Variants in TRMU observed in about 807,000 individuals in gnomAD.
TRMU encodes the protein tRNA mitochondrial 2-thiouridylase.
TRMU carries 49 observed loss-of-function variants against 46.9 expected under a neutral mutation model. The ratio of observed to expected loss-of-function variants is 1.05; its 90% CI spans 0.83 to 1.33. The LOEUF is 1.33. Among genes scored for constraint, TRMU ranks in the 40% most tolerant of loss-of-function variants. The pLI is 0.00. For synonymous variants in TRMU, 241 were observed against 200.9 expected, an observed-to-expected ratio of 1.20 and a Z score of -1.69; for missense variants, 572 against 532.4, an observed-to-expected ratio of 1.07 and a Z score of -0.73.
rs1346294972 is a variant in TRMU at position 46,338,999 on chromosome 22, A to G, written c.248+1055A>G. ...CTTTTTTTCCTGCCAACAAAGACCCAGAAGAGATACTTGACTTTTCTAAGC... is the reference window on the plus strand; with the variant it reads ...CTTTTTTTCCTGCCAACAAAGACCCGGAAGAGATACTTGACTTTTCTAAGC... On this transcript the variant is annotated intron_variant, in intron 2 of 10. Coordinates refer to ENST00000645190, the MANE Select transcript of TRMU (RefSeq NM_018006.5). The surrounding 1 kb of genome is among the most constrained non-coding windows in gnomAD (Gnocchi z 4.5). 6.6e-6 allele frequency among the ~76,000 whole-genome samples: 1 copy of G among 152,166 alleles called. No individual in the cohort carries two copies. The highest frequency in any genetic ancestry group is 1.5e-5 in the Non-Finnish European group (1 of 68,034).
Position 46,353,849 on chromosome 22 carries a change from C to A in TRMU, c.855C>A (p.Val285=). The A allele has an allele frequency of 6.2e-7, 1 of 1,613,796 alleles. No individual in the cohort carries two copies. Among genetic ancestry groups the A allele is most frequent in the Non-Finnish European group, 8.5e-7 (1 of 1,179,824 alleles). ...GGTACGTGGTGGAGAAGGACAGCGT[C>A]AAGGGTGACGTGTTTGTGGTGAGTG... ...EPWYVVEKDS[V]KGDVFVAPRT... Residue 285 remains valine (V), a synonymous_variant, in exon 8 of 11, where the codon GTC becomes GTA. Coordinates refer to ENST00000645190, the MANE Select transcript of TRMU (RefSeq NM_018006.5).
rs1475526703 is a variant in TRMU, at chr22:46,348,701, G to A, written c.479-1590G>A. Among the ~76,000 whole-genome samples, 3 of 152,218 alleles carry A rather than the reference G, an allele frequency of 2.0e-5. No homozygotes were observed. Among genetic ancestry groups the A allele is most frequent in the South Asian group, 2.1e-4 (1 of 4,832 alleles). On this transcript the variant is annotated intron_variant, in intron 4 of 10. Transcript: ENST00000645190. This position sits in a 1 kb window ranked among gnomAD's most constrained non-coding sequence, Gnocchi z 4.8. Reference sequence around the variant, plus strand: ...CCTCTATAGCAGTTCAGTTAGGGTCGCCAGCTTGCTTTTTTGAAAATCATA... The same window carrying A: ...CCTCTATAGCAGTTCAGTTAGGGTCACCAGCTTGCTTTTTTGAAAATCATA...
At position 46,342,995 on chromosome 22, in the gene TRMU, TC is replaced by T. The variant is rs2078160915; in HGVS notation, c.249-263del. ...GTTTTAGTGAGACCCTCACGGCCACTCCCCACTCCTGACCCCATAAGCCCTG... is the reference window on the plus strand; with the variant it reads ...GTTTTAGTGAGACCCTCACGGCCACTCCCACTCCTGACCCCATAAGCCCTG... On this transcript the variant is annotated intron_variant, in intron 2 of 10. Coordinates refer to ENST00000645190, the MANE Select transcript of TRMU (RefSeq NM_018006.5). This position sits in a 1 kb window ranked among gnomAD's most constrained non-coding sequence, Gnocchi z 4.7. Among the ~76,000 whole-genome samples the T allele has an allele frequency of 6.6e-6, 1 of 152,110 alleles. No homozygotes were observed. The highest frequency in any genetic ancestry group is 1.9e-4 in the East Asian group (1 of 5,188).
At position 46,351,803 on chromosome 22, in the gene TRMU, C is replaced by T; in HGVS notation, c.652-318C>T. On this transcript the variant is annotated intron_variant, in intron 5 of 10. Transcript: ENST00000645190. The surrounding 1 kb of genome is among the most constrained non-coding windows in gnomAD (Gnocchi z 6.4). ...CCTGCCCCTTCTCTGGTCCCTGTCT[C>T]TCCCCCACTCCTCGCAGGACAGTGG... 1 of 456,134 alleles carries T rather than the reference C, an allele frequency of 2.2e-6. No individual in the cohort carries two copies. Among genetic ancestry groups the T allele is most frequent in the Non-Finnish European group, 4.1e-6 (1 of 246,238 alleles). 28.3% of individuals were successfully genotyped at this position (456,134 alleles called of 1,614,324 possible). A position where few individuals can be genotyped will look rare whatever the true frequency, so the allele number is the denominator to read the frequency against.
rs1305589396 is a variant in TRMU at position 46,338,196 on chromosome 22, CT to C, written c.248+254del. 1.9e-5 allele frequency: 9 copies of C among 483,228 alleles called. No homozygotes were observed. The highest frequency in any genetic ancestry group is 3.8e-6 in the Non-Finnish European group (1 of 262,862). 29.9% of individuals were successfully genotyped at this position (483,228 alleles called of 1,614,324 possible). A position where few individuals can be genotyped will look rare whatever the true frequency, so the allele number is the denominator to read the frequency against. On this transcript the variant is annotated intron_variant, in intron 2 of 10. Transcript: ENST00000645190. This position sits in a 1 kb window ranked among gnomAD's most constrained non-coding sequence, Gnocchi z 4.5. ...TTGCCTGAAGTCTCTTTAATGCTTT[CT>C]TGGACCTTGAGCTGTTTCTGTTGCC...
intron 2 of TRMU, among the ~76,000 whole-genome samples, chr22:46,340,235 GGT>G (rs1279169560): frequency 6.6e-6 from 1 of 152,148 alleles, no homozygotes; most frequent in African/African-American, 2.4e-5. Context: ...TTTGAGAAAA[GGT>G]GTGATGCGGC....
chr22:46,351,560 C>T lies in TRMU; in HGVS notation c.652-561C>T, dbSNP rs561784603. 50 of 191,752 alleles carry T rather than the reference C, an allele frequency of 2.6e-4. No homozygotes were observed. The highest frequency in any genetic ancestry group is 2.6e-3 in the Middle Eastern group (1 of 392). 11.9% of individuals were successfully genotyped at this position (191,752 alleles called of 1,614,324 possible). On this transcript the variant is annotated intron_variant, in intron 5 of 10. Coordinates refer to ENST00000645190, the MANE Select transcript of TRMU (RefSeq NM_018006.5). This position sits in a 1 kb window ranked among gnomAD's most constrained non-coding sequence, Gnocchi z 6.4. ...CTCCTCTCCTCTTGTTTTCCGTTTC[C>T]GGTGTCGCTCTGTGGTGGGAGCCGC...
chr22:46,337,796 G>GTGT lies in TRMU; in HGVS notation c.102_104dup (p.Val34_Phe35insLeu). On this transcript the variant is annotated inframe_insertion, in exon 2 of 11. Coordinates refer to ENST00000645190, the MANE Select transcript of TRMU (RefSeq NM_018006.5). ...GCCCGCAGGTTACCAGGTGACAGGG[G>GTGT]TGTTTATGAAGAACTGGGACTCACT... 1 of 1,614,232 alleles carries GTGT rather than the reference G, an allele frequency of 6.2e-7. No individual in the cohort carries two copies. The highest frequency in any genetic ancestry group is 8.5e-7 in the Non-Finnish European group (1 of 1,180,048).
chr22:46,350,098 T>G lies in TRMU; in HGVS notation c.479-193T>G, dbSNP rs1339158211. On this transcript the variant is annotated intron_variant, in intron 4 of 10. Transcript: ENST00000645190. This position sits in a 1 kb window ranked among gnomAD's most constrained non-coding sequence, Gnocchi z 4.6. Reference sequence around the variant, plus strand: ...TTTCTTTGTCATGTAAAATCCTTGTTTTTTTTTTTGGAGGTGCGAATTTTT... The same window carrying G: ...TTTCTTTGTCATGTAAAATCCTTGTGTTTTTTTTTGGAGGTGCGAATTTTT... Among the ~76,000 whole-genome samples, 1 of 150,814 alleles carries G rather than the reference T, an allele frequency of 6.6e-6. No homozygotes were observed. Among genetic ancestry groups the G allele is most frequent in the Admixed American group, 6.6e-5 (1 of 15,136 alleles).
chr22:46,355,901 C>G (rs2078589969), intron 9 of TRMU, 89 bp from the exon 10 acceptor site: 1 of 1,460,356 alleles, frequency 6.8e-7, no homozygotes, highest in East Asian at 2.3e-5. Context: ...GTTTTTGACC[C>G]CGTGGGCTGG....
chr22:46,356,336 CGAGGACAGAAAATGGAAGGGGCAT>C (rs1309744484), intron 10 of TRMU: 7 of 523,890 alleles, frequency 1.3e-5, no homozygotes, highest in Non-Finnish European at 2.4e-5. Flanking sequence ...GCCCCAGAAG[CGAGGACAGAAAATGGAAGGGGCAT>C]GAGGACAGTG....
intron 10 of TRMU, chr22:46,356,287 G>C: frequency 1.7e-6 from 1 of 584,366 alleles, no homozygotes; most frequent in Non-Finnish European, 3.1e-6. Context: ...CAACCAGCCA[G>C]TTCCTGCTCG....
At chr22:46,353,606 C>T in intron 7 of TRMU, 161 bp from the exon 8 acceptor site, 1 of 651,716 alleles carries the variant, frequency 1.5e-6, no homozygotes, top group Non-Finnish European at 2.8e-6. Flanking sequence ...GGTGCTTGGT[C>T]AGGGCTGGCT....
In TRMU at chr22:46,350,375, C is replaced by G; in HGVS notation, c.563C>G (p.Thr188Ser). Residue 188 changes from threonine to serine, a missense_variant, in exon 5 of 11, where the codon ACC (threonine) becomes AGC (serine). Thr to Ser is a moderately conservative substitution (Grantham distance 58). Transcript: ENST00000645190. This position sits in a 1 kb window ranked among gnomAD's most constrained non-coding sequence, Gnocchi z 4.6. ...SQVSQDALRR[T>S]IFPLGGLTKE... The stretch of plus-strand genomic sequence containing the variant: ...GTTTCCCAGGATGCCCTGAGGAGAA[C>G]CATCTTCCCTCTGGGGGGATTAACG... The G allele has an allele frequency of 6.2e-7, 1 of 1,614,224 alleles. No homozygotes were observed. The highest frequency in any genetic ancestry group is 1.3e-5 in the African/African-American group (1 of 75,062).
rs1403390621 is a variant in TRMU at position 46,347,537 on chromosome 22, T to C, written c.478+993T>C. The C allele has an allele frequency of 2.0e-5, 3 of 152,002 alleles. No individual in the cohort carries two copies. Among genetic ancestry groups the C allele is most frequent in the Non-Finnish European group, 2.9e-5 (2 of 68,028 alleles). 9.4% of individuals were successfully genotyped at this position (152,002 alleles called of 1,614,324 possible). The stretch of plus-strand genomic sequence containing the variant: ...TCGGCTTTTTCATTTTTTGTAGAGA[T>C]GAGGTCTCGTTAATGTTGTCCGTGC... On this transcript the variant is annotated intron_variant, in intron 4 of 10. Coordinates refer to ENST00000645190, the MANE Select transcript of TRMU (RefSeq NM_018006.5). The surrounding 1 kb of genome is among the most constrained non-coding windows in gnomAD (Gnocchi z 5.0).
In TRMU at chr22:46,346,459, T is replaced by G; in HGVS notation, c.393T>G (p.Thr131=). ...TTGCCACAGGTCACTATGCAAGAAC[T>G]TCCCTGGAAGATGAAGAAGTCTTTG... The part of the protein sequence containing the change: ...DAIATGHYAR[T]SLEDEEVFEQ... Residue 131 remains threonine, a synonymous_variant, in exon 4 of 11, where the codon ACT becomes ACG. Coordinates refer to ENST00000645190, the MANE Select transcript of TRMU (RefSeq NM_018006.5). 6.2e-7 allele frequency: 1 copy of G among 1,613,590 alleles called. No individual in the cohort carries two copies. The highest frequency in any genetic ancestry group is 8.5e-7 in the Non-Finnish European group (1 of 1,179,608).
At chr22:46,356,762 C>A (rs2078622511) in intron 10 of TRMU, 80 bp from the exon 11 acceptor site, 1 of 1,553,330 alleles carries the variant, frequency 6.4e-7, no homozygotes, top group African/African-American at 1.4e-5. Context: ...AGGCCAGGCC[C>A]CATAGGGGAG....
In TRMU at chr22:46,346,995, C is replaced by T. The variant is rs564187175; in HGVS notation, c.478+451C>T. The stretch of plus-strand genomic sequence containing the variant: ...CTGTGGATCGCATGGGCTCAGCAGT[C>T]AGGCTTTGTAGCCGTATTTACACGT... On this transcript the variant is annotated intron_variant, in intron 4 of 10. Transcript: ENST00000645190. Among the ~76,000 whole-genome samples, 50 of 152,374 alleles carry T rather than the reference C, an allele frequency of 3.3e-4. 1 individual carries two copies. In the South Asian group the frequency reaches 0.01, roughly 31 times the overall value.
rs1372885144 is a variant in TRMU at position 46,336,500 on chromosome 22, A to G, written c.82+654A>G. 6.6e-6 allele frequency: 1 copy of G among 152,370 alleles called. No individual in the cohort carries two copies. Among genetic ancestry groups the G allele is most frequent in the East Asian group, 1.9e-4 (1 of 5,190 alleles). 9.4% of individuals were successfully genotyped at this position (152,370 alleles called of 1,614,324 possible). A position where few individuals can be genotyped will look rare whatever the true frequency, so the allele number is the denominator to read the frequency against. On this transcript the variant is annotated intron_variant, in intron 1 of 10. Transcript: ENST00000645190. This position sits in a 1 kb window ranked among gnomAD's most constrained non-coding sequence, Gnocchi z 4.1. Reference sequence around the variant, plus strand: ...GCTCCCCGCGGGAGGCCTCATTCACAGAGTCACGTTTGTGGAGCTCTGCTT... The same window carrying G: ...GCTCCCCGCGGGAGGCCTCATTCACGGAGTCACGTTTGTGGAGCTCTGCTT...
Sources: allele counts gnomAD v4.1 joint callset (sites outside exome capture counted in the v4.1 genomes callset), GRCh38; gene constraint gnomAD v4.1.1; non-coding constraint Gnocchi (gnomAD v3.1); transcripts MANE v1.5; gene names NCBI Gene and HGNC (gene_info 2026-07-23, HGNC 2026-07-21).